The following IFIT1B variants were observed in gnomAD, a reference collection of about 807,000 sequenced individuals.
The protein encoded by IFIT1B is interferon induced protein with tetratricopeptide repeats 1B.
Under a neutral mutation model 2.5 loss-of-function variants are expected in IFIT1B, and 3 were observed. The ratio of observed to expected loss-of-function variants is 1.21; its 90% CI spans 0.55 to 3.14. The LOEUF (loss-of-function observed/expected upper bound fraction) is 3.14, where lower values mean the gene tolerates loss of function less well. Ranked by LOEUF, IFIT1B falls within the 30% of genes most tolerant of loss-of-function variation. The pLI, the probability that IFIT1B is intolerant of heterozygous loss-of-function variation, is 0.03. For synonymous variants in IFIT1B, 196 were observed against 203.0 expected, an observed-to-expected ratio of 0.97 and a Z score of 0.29; for missense variants, 545 against 556.5, an observed-to-expected ratio of 0.98 and a Z score of 0.21.
At chr10:89,378,262 A>G in intron 1 of IFIT1B, 122 bp downstream of exon 1, 2 of 928,158 alleles carry the variant, frequency 2.2e-6, no homozygotes, top group Non-Finnish European at 3.5e-6. Context: ...GGTGGTTCTG[A>G]CCCTGATAGG....
chr10:89,380,715 T>C (rs971405099), intron 1 of IFIT1B, among the ~76,000 whole-genome samples: 5 of 152,172 alleles, frequency 3.3e-5, no homozygotes, highest in Non-Finnish European at 5.9e-5. Context: ...TTACAGGCAT[T>C]AGCCACCACG....
Position 89,383,591 on chromosome 10 carries a change from G to A in IFIT1B, c.278G>A (p.Arg93Lys). ...GAACATGCCAACCAAGCAGATATTA[G>A]AAGTCTGGTGACCTGGGGCAACTTT... is the stretch of plus-strand genomic sequence containing the variant. The part of the protein sequence containing the change: ...QKEHANQADI[R>K]SLVTWGNFAW... The change falls in exon 2 of 2, where the codon AGA becomes AAA. Residue 93 changes from arginine (R) to lysine (K), a missense_variant. Physicochemically the swap from Arg to Lys is conservative, Grantham distance 26. Coordinates refer to ENST00000371809, the MANE Select transcript of IFIT1B (RefSeq NM_001010987.2). 2 of 1,614,214 alleles carry A rather than the reference G, an allele frequency of 1.2e-6. No homozygotes were observed.
In IFIT1B at chr10:89,383,327, CT is replaced by C; in HGVS notation, c.15del (p.Asp6MetfsTer9). The stretch of plus-strand genomic sequence containing the variant: ...GCTGCCTATTTTTACAGTGAAGAAT[CT>C]GATGGAAAGCTTATTGAAGACAGCC... MSEE[S>X]DGKLIEDSLI... On this transcript the variant is annotated frameshift_variant, in exon 2 of 2. Transcript: ENST00000371809. LOFTEE classifies it low-confidence loss of function (END_TRUNC). 1 of 1,609,676 alleles carries C rather than the reference CT, an allele frequency of 6.2e-7. No individual in the cohort carries two copies. The highest frequency in any genetic ancestry group is 2.2e-5 in the East Asian group (1 of 44,844).
At chr10:89,378,546 A>C (rs1844139201) in intron 1 of IFIT1B, among the ~76,000 whole-genome samples, 1 of 152,224 alleles carries the variant, frequency 6.6e-6, no homozygotes, top group Non-Finnish European at 1.5e-5. Flanking sequence ...CAAGCAGAGC[A>C]CAGTGGGAGC....
In IFIT1B at chr10:89,384,487, G is replaced by C. The variant is rs773868330; in HGVS notation, c.1174G>C (p.Gly392Arg). ...CTACGGCCGTTTCCAAGAACATCATGGGAAATCTCAAGATAAAGCAATTAC... is the reference window on the plus strand; with the variant it reads ...CTACGGCCGTTTCCAAGAACATCATCGGAAATCTCAAGATAAAGCAATTAC... ...YHYGRFQEHH[G>R]KSQDKAITHY... Residue 392 changes from glycine to arginine, a missense_variant, in exon 2 of 2, where the codon GGG becomes CGG. Coordinates refer to ENST00000371809, the MANE Select transcript of IFIT1B (RefSeq NM_001010987.2). The C allele has an allele frequency of 3.1e-6, 5 of 1,614,084 alleles. No individual in the cohort carries two copies. The South Asian group carries it at 5.5e-5, about 18-fold the overall frequency.
At position 89,384,964 on chromosome 10, in the gene IFIT1B, T is replaced by C. The variant is rs1844199795; in HGVS notation, c.*226T>C. ...CCAGACATAAGACCCCCTGAAAGTATCATCCCTCCTGATGGAATGGTAAAG... is the reference window on the plus strand; with the variant it reads ...CCAGACATAAGACCCCCTGAAAGTACCATCCCTCCTGATGGAATGGTAAAG... On this transcript the variant is annotated 3_prime_UTR_variant, in exon 2 of 2. Transcript: ENST00000371809. 1 of 506,636 alleles carries C rather than the reference T, an allele frequency of 2.0e-6. No homozygotes were observed. The highest frequency in any genetic ancestry group is 3.5e-6 in the Non-Finnish European group (1 of 286,350). 31.4% of individuals were successfully genotyped at this position (506,636 alleles called of 1,614,324 possible).
In IFIT1B at chr10:89,384,591, T is replaced by G; in HGVS notation, c.1278T>G (p.Ala426=). Residue 426 remains alanine, a synonymous_variant, in exon 2 of 2, where the codon GCT becomes GCG. Transcript: ENST00000371809. ...EKLLNALEKL[A]KRCIHQNVRV... ...TTCTCAATGCTTTAGAGAAATTGGC[T>G]AAAAGATGTATTCACCAGAATGTAC... 6.2e-7 allele frequency: 1 copy of G among 1,614,172 alleles called. No homozygotes were observed. The highest frequency in any genetic ancestry group is 8.5e-7 in the Non-Finnish European group (1 of 1,180,002).
chr10:89,378,800 G>C (rs1443358605), intron 1 of IFIT1B, among the ~76,000 whole-genome samples: 2 of 152,178 alleles, frequency 1.3e-5, no homozygotes, highest in Non-Finnish European at 1.5e-5. Flanking sequence ...GCTTAGTAAG[G>C]GTAGCTGGCT....
intron 1 of IFIT1B, among the ~76,000 whole-genome samples, chr10:89,380,100 T>G (rs997984540): frequency 5.9e-5 from 9 of 151,980 alleles, no homozygotes; most frequent in Non-Finnish European, 1.2e-4. Flanking sequence ...AAAGCAAGCC[T>G]TTCATTCCCT....
At position 89,378,074 on chromosome 10, in the gene IFIT1B, C is replaced by G; in HGVS notation, c.-62C>G. ...AAGCCCTAGAACTCTGTGGATGAAC[C>G]TTGAAGGAGCCTCCAAGCCTGAACC... is the stretch of plus-strand genomic sequence containing the variant. On this transcript the variant is annotated 5_prime_UTR_variant, in exon 1 of 2. Transcript: ENST00000371809. 6.3e-7 allele frequency: 1 copy of G among 1,592,976 alleles called. No homozygotes were observed. The highest frequency in any genetic ancestry group is 2.4e-5 in the East Asian group (1 of 42,350).
rs1450050190 is a variant in IFIT1B at position 89,384,615 on chromosome 10, A to G, written c.1302A>G (p.Val434=). The change falls in exon 2 of 2, where the codon GTA becomes GTG. Residue 434 remains valine (V), a synonymous_variant. Coordinates refer to ENST00000371809, the MANE Select transcript of IFIT1B (RefSeq NM_001010987.2). ...KLAKRCIHQN[V]RVVESVSLLG... ...CTAAAAGATGTATTCACCAGAATGT[A>G]CGGGTTGTGGAAAGTGTCAGCCTCC... The G allele has an allele frequency of 1.9e-6, 3 of 1,614,218 alleles. No homozygotes were observed. The highest frequency in any genetic ancestry group is 2.5e-6 in the Non-Finnish European group (3 of 1,179,996).
In IFIT1B at chr10:89,382,977, T is replaced by C. The variant is rs1247084514; in HGVS notation, c.6-342T>C. Among the ~76,000 whole-genome samples the C allele has an allele frequency of 5.3e-5, 8 of 152,248 alleles. No individual in the cohort carries two copies. In the East Asian group the frequency reaches 7.7e-4, roughly 15 times the overall value. The stretch of plus-strand genomic sequence containing the variant: ...ACATTTCTTCTGACTGCATTAGTCA[T>C]GGACTGCAAAGTCAGGAGGAAGCAG... On this transcript the variant is annotated intron_variant, in intron 1 of 1. Transcript: ENST00000371809.
At chr10:89,381,043 T>C (rs962554295) in intron 1 of IFIT1B, among the ~76,000 whole-genome samples, 1 of 152,200 alleles carries the variant, frequency 6.6e-6, no homozygotes, top group African/African-American at 2.4e-5. Flanking sequence ...TTTCCACCTA[T>C]CAATGCATGG....
intron 1 of IFIT1B, among the ~76,000 whole-genome samples, chr10:89,381,023 A>C (rs1028006665): frequency 6.6e-6 from 1 of 152,220 alleles, no homozygotes; most frequent in African/African-American, 2.4e-5. Context: ...GCCAAAATCT[A>C]GTATACTTTT....
rs1383593566 is a variant in IFIT1B at position 89,383,736 on chromosome 10, G to A, written c.423G>A (p.Val141=). 6.2e-7 allele frequency: 1 copy of A among 1,614,076 alleles called. No homozygotes were observed. The highest frequency in any genetic ancestry group is 8.5e-7 in the Non-Finnish European group (1 of 1,180,046). Residue 141 remains valine, a synonymous_variant, in exon 2 of 2, where the codon GTG becomes GTA. Transcript: ENST00000371809. ...GCTATAGAATGGAGTGTCCAGAGGT[G>A]GACTGTGAGGAAGGATGGGCCTTGG... The part of the protein sequence containing the change: ...PSRYRMECPE[V]DCEEGWALAK...
intron 1 of IFIT1B, among the ~76,000 whole-genome samples, chr10:89,382,442 C>T (rs537699970): frequency 3.3e-5 from 5 of 152,274 alleles, no homozygotes; most frequent in East Asian, 3.9e-4. Flanking sequence ...TTCAGAGGAG[C>T]GTGAACTATT....
rs1844136216 is a variant in IFIT1B, at chr10:89,378,151, T to C, written c.5+11T>C. The C allele has an allele frequency of 6.2e-7, 1 of 1,613,902 alleles. No homozygotes were observed. The highest frequency in any genetic ancestry group is 8.5e-7 in the Non-Finnish European group (1 of 1,179,768). ...TCATAGCACCATGAGGTAAAGTCTT[T>C]CTCTGCTTCACTGACCTTATTTCTG... On this transcript the variant is annotated intron_variant, in intron 1 of 1. Transcript: ENST00000371809.
In IFIT1B at chr10:89,384,885, T is replaced by A; in HGVS notation, c.*147T>A. The A allele has an allele frequency of 1.6e-6, 1 of 630,284 alleles. No homozygotes were observed. Among genetic ancestry groups the A allele is most frequent in the Non-Finnish European group, 2.7e-6 (1 of 375,298 alleles). 39.0% of individuals were successfully genotyped at this position (630,284 alleles called of 1,614,324 possible). A position where few individuals can be genotyped will look rare whatever the true frequency, so the allele number is the denominator to read the frequency against. ...GCTGTGTGGCCTGAGTTATGTAGCA[T>A]GCAACTGCAACTTCTGCTTTTTCCT... is the stretch of plus-strand genomic sequence containing the variant. On this transcript the variant is annotated 3_prime_UTR_variant, in exon 2 of 2. Coordinates refer to ENST00000371809, the MANE Select transcript of IFIT1B (RefSeq NM_001010987.2).
rs751302156 is a variant in IFIT1B at position 89,384,360 on chromosome 10, G to A, written c.1047G>A (p.Thr349=). 94 of 1,614,022 alleles carry A rather than the reference G, an allele frequency of 5.8e-5. No homozygotes were observed. The highest frequency in any genetic ancestry group is 1.1e-4 in the East Asian group (5 of 44,896). ...TGGCCTATGTTGACCTGGCTGAAACGTATGCAGAAATAGGCCACCACAGAA... is the reference window on the plus strand; with the variant it reads ...TGGCCTATGTTGACCTGGCTGAAACATATGCAGAAATAGGCCACCACAGAA... ...FEMAYVDLAE[T]YAEIGHHRKA... is the part of the protein sequence containing the mutation. Residue 349 remains threonine (T), a synonymous_variant, in exon 2 of 2, where the codon ACG becomes ACA. Transcript: ENST00000371809.
Sources: allele counts gnomAD v4.1 joint callset (sites outside exome capture counted in the v4.1 genomes callset), GRCh38; gene constraint gnomAD v4.1.1; transcripts MANE v1.5; gene names NCBI Gene and HGNC (gene_info 2026-07-23, HGNC 2026-07-21).